UBE3B: variants seen among roughly 807,000 people sequenced by gnomAD.
The protein encoded by UBE3B is ubiquitin protein ligase E3B.
In UBE3B, 80 loss-of-function variants were observed where a neutral mutation model predicts 132.3. The observed-to-expected ratio is 0.60, with a 90% CI of 0.50 to 0.73. The LOEUF (loss-of-function observed/expected upper bound fraction) is 0.73, where lower values mean the gene tolerates loss of function less well. Among genes scored for constraint, UBE3B ranks in the 30% least tolerant of loss-of-function variants. UBE3B has a pLI of 0.00. For synonymous variants in UBE3B, 487 were observed against 520.4 expected (o/e 0.94, Z 0.87); for missense variants, 1,196 against 1,362.5 (o/e 0.88, Z 1.92).
At chr12:109,520,840 T>C (rs1881624697) in intron 19 of UBE3B, 1 of 260,488 alleles carries the variant, frequency 3.8e-6, no homozygotes, top group African/African-American at 2.2e-5. Flanking sequence ...GTTTCTTTCA[T>C]CCTTTGTCTG....
rs376232986 is a variant in UBE3B, at chr12:109,511,278, T to C, written c.1931T>C (p.Ile644Thr). 104 of 1,614,048 alleles carry C rather than the reference T, an allele frequency of 6.4e-5. No homozygotes were observed. The Middle Eastern group carries it at 1.5e-3, about 23-fold the overall frequency. Residue 644 changes from isoleucine to threonine, a missense_variant, in exon 18 of 28, where the codon ATC becomes ACC. By Grantham distance (89) the Ile-to-Thr change is moderately conservative (BLOSUM62 -1). Transcript: ENST00000342494. ...CGGGCACAGTTGATCCTGCAGTACA[T>C]CCCACATGTCATCCCTCACAAAAAC... ...RKRAQLILQYIPHVIPHKNRV... is the reference protein window; with the variant it reads ...RKRAQLILQYTPHVIPHKNRV...
chr12:109,526,488 G>C (rs1482264435), intron 24 of UBE3B, 72 bp downstream of exon 24: 2 of 1,467,726 alleles, frequency 1.4e-6, no homozygotes, highest in Non-Finnish European at 1.9e-6. Flanking sequence ...CGCTTATGTT[G>C]AGAATTTATT....
chr12:109,486,323 T>C (rs954612570), intron 5 of UBE3B, 148 bp from the exon 6 acceptor site: 2 of 752,226 alleles, frequency 2.7e-6, no homozygotes, highest in African/African-American at 1.8e-5. Flanking sequence ...AGTGTTAAAA[T>C]AAGTCCTGTT....
chr12:109,541,323 T>A (rs1346230881), downstream of UBE3B, among the ~76,000 whole-genome samples: 1 of 152,182 alleles, frequency 6.6e-6, no homozygotes, highest in Non-Finnish European at 1.5e-5. Context: ...GGCACAGGCC[T>A]TGACCTTGGA....
At position 109,477,776 on chromosome 12, in the gene UBE3B, G is replaced by A. The variant is rs1874541107; in HGVS notation, c.-461G>A. ...TCCGGCGAATAAAGGTCGGCCTGCG[G>A]GTAGGCCGGTAGGGCCTGCGGTCCG... On this transcript the variant is annotated 5_prime_UTR_variant, in exon 1 of 28. Coordinates refer to ENST00000342494, the MANE Select transcript of UBE3B (RefSeq NM_130466.4). 5.9e-6 allele frequency: 1 copy of A among 170,406 alleles called. No individual in the cohort carries two copies. Among genetic ancestry groups the A allele is most frequent in the African/African-American group, 2.4e-5 (1 of 41,690 alleles). The allele number at this position is 170,406 out of a possible 1,614,324, so 10.6% of individuals were successfully genotyped here.
chr12:109,489,795 G>A (rs1877116164), intron 7 of UBE3B, 124 bp from the exon 8 acceptor site: 4 of 851,852 alleles, frequency 4.7e-6, no homozygotes, highest in Admixed American at 3.8e-5. Context: ...AAGGGAAAAG[G>A]GAGGCAAGCC....
At chr12:109,531,471 A>G (rs1341435231) in intron 26 of UBE3B, among the ~76,000 whole-genome samples, 1 of 152,172 alleles carries the variant, frequency 6.6e-6, no homozygotes, top group Non-Finnish European at 1.5e-5. Context: ...ACATTTTGCC[A>G]TGTTCTGGTG....
chr12:109,516,957 T>C (rs1379508225), intron 19 of UBE3B, 73 bp downstream of exon 19: 2 of 1,564,146 alleles, frequency 1.3e-6, no homozygotes, highest in African/African-American at 2.7e-5. Context: ...TAGTGGACGG[T>C]CTCTGGCTTT....
In UBE3B at chr12:109,524,439, G is replaced by T. The variant is rs752604839; in HGVS notation, c.2504G>T (p.Arg835Leu). 1.2e-6 allele frequency: 2 copies of T among 1,614,194 alleles called. No individual in the cohort carries two copies. Among genetic ancestry groups the T allele is most frequent in the Admixed American group, 1.7e-5 (1 of 60,024 alleles). ...CTTTCCCCTTCTCTGTTACATTAGC[G>T]CTATGATGGGGACATCACTGACCTG... ...EFYKNLTSIK[R>L]YDGDITDLGL... The change falls in exon 23 of 28, where the codon CGC becomes CTC. Residue 835 changes from arginine to leucine, a missense_variant and splice_region_variant. Transcript: ENST00000342494.
chr12:109,526,925 G>A lies in UBE3B; in HGVS notation c.2627+509G>A, dbSNP rs141319164. Among the ~76,000 whole-genome samples, 158 of 151,836 alleles carry A rather than the reference G, an allele frequency of 1.0e-3. 1 individual carries two copies. The East Asian group carries it at 0.03, about 29-fold the overall frequency. On this transcript the variant is annotated intron_variant, in intron 24 of 27. Coordinates refer to ENST00000342494, the MANE Select transcript of UBE3B (RefSeq NM_130466.4). The stretch of plus-strand genomic sequence containing the variant: ...AAGAATTGACCATTTATTTTTTGCA[G>A]TAGCACTTCTAAGGTCAGAGGCACC...
chr12:109,478,189 TAC>T (rs1482480804), intron 1 of UBE3B, 80 bp downstream of exon 1: 3 of 152,234 alleles, frequency 2.0e-5, no homozygotes, highest in African/African-American at 7.2e-5. Context: ...AGGGTGTGAA[TAC>T]GTTTTAGTAC....
At chr12:109,499,143 C>T (rs11611011) in intron 11 of UBE3B, among the ~76,000 whole-genome samples, 25,719 of 152,044 alleles carry the variant, frequency 0.17, 2,231 homozygotes, top group African/African-American at 0.18. Flanking sequence ...GTTTCTGGTG[C>T]GAATGTTCAC....
chr12:109,487,938 A>G (rs1249754268), intron 6 of UBE3B, among the ~76,000 whole-genome samples: 1 of 152,198 alleles, frequency 6.6e-6, no homozygotes, highest in African/African-American at 2.4e-5. Context: ...GGGCCTAGAA[A>G]GCAGTCAGGC....
intron 18 of UBE3B, among the ~76,000 whole-genome samples, chr12:109,514,944 C>T (rs1361928849): frequency 2.7e-5 from 4 of 150,816 alleles, no homozygotes; most frequent in Non-Finnish European, 3.0e-5. Context: ...GACAGAGTCT[C>T]GCTCTGTCGC....
intron 18 of UBE3B, among the ~76,000 whole-genome samples, chr12:109,516,055 T>C (rs947525199): frequency 1.3e-5 from 2 of 152,188 alleles, no homozygotes; most frequent in African/African-American, 4.8e-5. Flanking sequence ...AATATTGATT[T>C]CCCTTAAAGC....
chr12:109,504,302 C>T (rs1405099928), intron 14 of UBE3B, among the ~76,000 whole-genome samples: 1 of 152,232 alleles, frequency 6.6e-6, no homozygotes, highest in Non-Finnish European at 1.5e-5. Flanking sequence ...TCAAATTTGG[C>T]ATTCAGCCAA....
In UBE3B at chr12:109,501,510, C is replaced by T. The variant is rs1439788499; in HGVS notation, c.1258C>T (p.Pro420Ser). The change falls in exon 13 of 28, where the codon CCT becomes TCT. Residue 420 changes from proline to serine, a missense_variant. Pro to Ser is a moderately conservative substitution (Grantham distance 74). Coordinates refer to ENST00000342494, the MANE Select transcript of UBE3B (RefSeq NM_130466.4). ...QEPAHAQPAS[P>S]QNVLPVKSLL... is the part of the protein sequence containing the mutation. ...GCCAGCCCACGCACAGCCAGCATCCCCTCAGAATGTGCTCCCAGTGAAGAG... is the reference window on the plus strand; with the variant it reads ...GCCAGCCCACGCACAGCCAGCATCCTCTCAGAATGTGCTCCCAGTGAAGAG... The T allele has an allele frequency of 5.0e-6, 8 of 1,613,888 alleles. No individual in the cohort carries two copies. The highest frequency in any genetic ancestry group is 5.9e-6 in the Non-Finnish European group (7 of 1,179,972).
intron 13 of UBE3B, among the ~76,000 whole-genome samples, 190 bp from the exon 14 acceptor site, chr12:109,502,833 G>T (rs966637325): frequency 6.6e-6 from 1 of 152,190 alleles, no homozygotes; most frequent in Non-Finnish European, 1.5e-5. Context: ...AGATCTTTGG[G>T]TTGTACCTAA....
At chr12:109,520,356 A>G (rs1881548829) in intron 19 of UBE3B, 1 of 152,258 alleles carries the variant, frequency 6.6e-6, no homozygotes, top group Admixed American at 6.5e-5. Flanking sequence ...TCAAGAGACA[A>G]ACTAAACAGA....
Sources: allele counts gnomAD v4.1 joint callset (sites outside exome capture counted in the v4.1 genomes callset), GRCh38; gene constraint gnomAD v4.1.1; transcripts MANE v1.5; gene names NCBI Gene and HGNC (gene_info 2026-07-23, HGNC 2026-07-21).